CR1L: variants seen among roughly 807,000 people sequenced by gnomAD.
CR1L encodes the protein complement C3b/C4b receptor 1 like.
In CR1L, 59 loss-of-function variants were observed where a neutral mutation model predicts 62.3. That is an observed-to-expected ratio of 0.95 (90% CI 0.77 to 1.18). CR1L has a LOEUF of 1.18. CR1L is among the 50% of genes most tolerant of loss of function. CR1L has a pLI of 0.00. For missense variants in CR1L, 700 were observed against 702.8 expected (o/e 1.00, Z 0.04); for synonymous variants, 279 against 248.7 (o/e 1.12, Z -1.15).
chr1:207,695,410 A>T (rs925870149), intron 5 of CR1L, among the ~76,000 whole-genome samples: 9 of 152,208 alleles, frequency 5.9e-5, no homozygotes, highest in Admixed American at 5.9e-4. Flanking sequence ...GATTATAGGC[A>T]TGAGCCACTG....
chr1:207,645,269 T>A lies in CR1L; in HGVS notation c.36T>A (p.Pro12=). Reference sequence around the variant, plus strand: ...CCGTCCGTCTCGAGCGTCCCTTTCCTTCCCGGCGCTTTCCTGGGTTGCTTC... The same window carrying A: ...CCGTCCGTCTCGAGCGTCCCTTTCCATCCCGGCGCTTTCCTGGGTTGCTTC... The part of the protein sequence containing the change: ...APPVRLERPF[P]SRRFPGLLLA... Residue 12 remains proline (P), a synonymous_variant, in exon 1 of 12, where the codon CCT becomes CCA. Coordinates refer to ENST00000508064, the MANE Select transcript of CR1L (RefSeq NM_175710.2). 1.2e-6 allele frequency: 2 copies of A among 1,613,778 alleles called. No homozygotes were observed. The highest frequency in any genetic ancestry group is 1.7e-6 in the Non-Finnish European group (2 of 1,180,004).
chr1:207,706,151 G>C (rs542330028), intron 9 of CR1L, among the ~76,000 whole-genome samples: 1 of 151,916 alleles, frequency 6.6e-6, no homozygotes, highest in African/African-American at 2.4e-5. Flanking sequence ...GGTGGGCACA[G>C]TGGCTCACAC....
rs2102468706 is a variant in CR1L, at chr1:207,694,709, G to A, written c.820G>A (p.Ala274Thr). 1.2e-6 allele frequency: 2 copies of A among 1,611,906 alleles called. No homozygotes were observed. The change falls in exon 5 of 12, where the codon GCC becomes ACC. Residue 274 changes from alanine to threonine, a missense_variant. Transcript: ENST00000508064. The part of the protein sequence containing the change: ...MKGPSHVKCQ[A>T]LNKWEPELPS... ...AGGGCCCTCCCATGTGAAGTGCCAG[G>A]CCCTGAACAAATGGGAGCCAGAGTT...
At chr1:207,700,010 G>T (rs1159222542) in intron 8 of CR1L, among the ~76,000 whole-genome samples, 1 of 152,140 alleles carries the variant, frequency 6.6e-6, no homozygotes, top group Non-Finnish European at 1.5e-5. Context: ...TATGCTGAGA[G>T]ATTCATAAAT....
chr1:207,676,278 T>A (rs1230251189), intron 1 of CR1L, among the ~76,000 whole-genome samples: 4 of 152,128 alleles, frequency 2.6e-5, no homozygotes, highest in Non-Finnish European at 4.4e-5. Flanking sequence ...AGCCCATTTC[T>A]AAGGCATGTT....
intron 3 of CR1L, among the ~76,000 whole-genome samples, chr1:207,681,100 T>G (rs1663787901): frequency 6.6e-6 from 1 of 152,218 alleles, no homozygotes; most frequent in Admixed American, 6.5e-5. Flanking sequence ...TTCACAGGAT[T>G]TGTTTTTTAT....
chr1:207,661,241 G>T (rs1381430803), intron 1 of CR1L, among the ~76,000 whole-genome samples: 1 of 152,132 alleles, frequency 6.6e-6, no homozygotes, highest in Non-Finnish European at 1.5e-5. Flanking sequence ...GTTGACAGTG[G>T]GGTGTTAAAC....
Position 207,645,418 on chromosome 1 carries a change from T to G in CR1L, c.97+88T>G, listed in dbSNP as rs549149130. ...GCAGGAGGCGCGGGGCGAAGCTCAC[T>G]GCACGTCGTGCCTGCTTGGGATAGA... On this transcript the variant is annotated intron_variant, in intron 1 of 11. Coordinates refer to ENST00000508064, the MANE Select transcript of CR1L (RefSeq NM_175710.2). The G allele has an allele frequency of 2.7e-4, 384 of 1,411,048 alleles. 1 individual carries two copies. The highest frequency in any genetic ancestry group is 8.2e-4 in the Admixed American group (49 of 59,548). The allele number at this position is 1,411,048 out of a possible 1,614,324, so 87.4% of individuals were successfully genotyped here.
chr1:207,715,344 G>A (rs191719136), intron 10 of CR1L: 1 of 1,597,846 alleles, frequency 6.3e-7, no homozygotes, highest in South Asian at 1.1e-5. Flanking sequence ...GCTAGTCATT[G>A]TGTCTTGGCT....
intron 1 of CR1L, chr1:207,669,642 G>C: frequency 1.1e-6 from 1 of 880,658 alleles, no homozygotes; most frequent in South Asian, 1.6e-5. Flanking sequence ...CGCGTGCCGC[G>C]CTGGGCTGCG....
At chr1:207,648,611 T>C (rs1024039156) in intron 1 of CR1L, among the ~76,000 whole-genome samples, 3 of 152,152 alleles carry the variant, frequency 2.0e-5, no homozygotes, top group African/African-American at 7.2e-5. Context: ...CAGGCCAGTC[T>C]CATTCATTCC....
At chr1:207,712,518 T>A (rs971373410) in intron 10 of CR1L, among the ~76,000 whole-genome samples, 2 of 152,216 alleles carry the variant, frequency 1.3e-5, no homozygotes, top group African/African-American at 4.8e-5. Flanking sequence ...GGAACTGTCC[T>A]TTCTACAATG....
At chr1:207,666,217 C>T (rs978461317) in intron 1 of CR1L, among the ~76,000 whole-genome samples, 20 of 152,208 alleles carry the variant, frequency 1.3e-4, no homozygotes, top group African/African-American at 4.3e-4. Flanking sequence ...CCAAACTGTA[C>T]GTCCCAGATT....
At chr1:207,662,600 C>T (rs1663442900) in intron 1 of CR1L, among the ~76,000 whole-genome samples, 1 of 152,146 alleles carries the variant, frequency 6.6e-6, no homozygotes, top group Non-Finnish European at 1.5e-5. Flanking sequence ...GAACTTCCTC[C>T]TTTAGCTCAG....
At chr1:207,717,391 C>A in intron 10 of CR1L, 73 bp from the exon 11 acceptor site, 1 of 1,499,390 alleles carries the variant, frequency 6.7e-7, no homozygotes, top group Non-Finnish European at 9.1e-7. Flanking sequence ...ATAGCACTGT[C>A]GCAGGTCACT....
chr1:207,674,444 A>G (rs1236799360), intron 1 of CR1L, among the ~76,000 whole-genome samples: 1 of 152,198 alleles, frequency 6.6e-6, no homozygotes, highest in Non-Finnish European at 1.5e-5. Context: ...ACCAGCCACA[A>G]ATTGAGGGAT....
At chr1:207,688,035 G>C (rs569600254) in intron 4 of CR1L, among the ~76,000 whole-genome samples, 1 of 152,164 alleles carries the variant, frequency 6.6e-6, no homozygotes, top group Admixed American at 6.5e-5. Context: ...CACTTTGGGA[G>C]GCCAAGGCAG....
At chr1:207,679,489 G>T (rs1465655255) in intron 3 of CR1L, among the ~76,000 whole-genome samples, 1 of 152,102 alleles carries the variant, frequency 6.6e-6, no homozygotes, top group Non-Finnish European at 1.5e-5. Flanking sequence ...ATGCATTGCT[G>T]GTAGGAATGC....
chr1:207,699,021 C>T (rs1172555770), intron 7 of CR1L, among the ~76,000 whole-genome samples, 168 bp from the exon 8 acceptor site: 2 of 152,194 alleles, frequency 1.3e-5, no homozygotes, highest in Non-Finnish European at 2.9e-5. Flanking sequence ...CTCTATATTG[C>T]TCCCTTCTGG....
Sources: gnomAD v4.1 joint callset for allele counts (sites outside exome capture counted in the v4.1 genomes callset) on GRCh38, gnomAD v4.1.1 for gene constraint, MANE v1.5 for transcripts, NCBI Gene and HGNC (gene_info 2026-07-23, HGNC 2026-07-21) for gene names.